The following NRXN3 variants were observed in gnomAD, a reference collection of about 807,000 sequenced individuals.
NRXN3 encodes the protein neurexin 3.
In NRXN3, 32 loss-of-function variants were observed where a neutral mutation model predicts 137.6. That is an observed-to-expected ratio of 0.23 (90% CI 0.18 to 0.31). The LOEUF (loss-of-function observed/expected upper bound fraction) is 0.31. Ranked by LOEUF, NRXN3 falls within the 10% of genes least tolerant of loss-of-function variation. The probability of loss-of-function intolerance (pLI) is 1.00; values close to 1 mark genes in which losing one functional copy is unlikely to be tolerated. For synonymous variants in NRXN3, 798 were observed against 784.5 expected (o/e 1.02, Z -0.29); for missense variants, 1,574 against 2,062.5 (o/e 0.76, Z 4.59).
intron 15 of NRXN3, among the ~76,000 whole-genome samples, chr14:79,050,690 A>G (rs1304664540): frequency 6.6e-6 from 1 of 152,172 alleles, no homozygotes; most frequent in African/African-American, 2.4e-5. Flanking sequence ...TTGAAATCCA[A>G]ATCAATGCAG....
chr14:78,716,720 G>A (rs1355357763), intron 8 of NRXN3, among the ~76,000 whole-genome samples: 3 of 152,176 alleles, frequency 2.0e-5, no homozygotes, highest in African/African-American at 4.8e-5. Flanking sequence ...GGGGCCAACT[G>A]TGTTACTAGC....
chr14:78,232,753 G>T (rs1192244160), intron 1 of NRXN3, among the ~76,000 whole-genome samples: 1 of 152,106 alleles, frequency 6.6e-6, no homozygotes, highest in Non-Finnish European at 1.5e-5. Flanking sequence ...GGAGGATCTT[G>T]AAGGGTGATT....
At chr14:79,114,717 G>T (rs969229249) in intron 15 of NRXN3, among the ~76,000 whole-genome samples, 2 of 152,102 alleles carry the variant, frequency 1.3e-5, no homozygotes, top group African/African-American at 4.8e-5. Flanking sequence ...TTGGAGAGAT[G>T]AGGACTTGCT....
intron 15 of NRXN3, among the ~76,000 whole-genome samples, chr14:79,323,554 T>C (rs1445261465): frequency 6.6e-6 from 1 of 152,222 alleles, no homozygotes; most frequent in Non-Finnish European, 1.5e-5. Context: ...GAAGGTTACA[T>C]TGTTTTTAAT....
At chr14:79,423,660 G>A (rs2095614022) in intron 15 of NRXN3, among the ~76,000 whole-genome samples, 1 of 152,130 alleles carries the variant, frequency 6.6e-6, no homozygotes, top group South Asian at 2.1e-4. Context: ...GGGTGAAAGC[G>A]TCGGTTGCTC....
At chr14:79,847,163 ATC>A (rs979775676) in intron 20 of NRXN3, among the ~76,000 whole-genome samples, 5 of 152,336 alleles carry the variant, frequency 3.3e-5, no homozygotes, top group African/African-American at 9.6e-5. Flanking sequence ...TCTTTGGAGT[ATC>A]TGACTCAGCA....
intron 4 of NRXN3, among the ~76,000 whole-genome samples, chr14:78,573,412 T>C (rs1390986692): frequency 6.6e-6 from 1 of 152,230 alleles, no homozygotes; most frequent in Non-Finnish European, 1.5e-5. Flanking sequence ...CCTAGAGTCT[T>C]GTTGAATGGC....
chr14:79,377,502 C>T (rs948105376), intron 15 of NRXN3, among the ~76,000 whole-genome samples: 1 of 152,072 alleles, frequency 6.6e-6, no homozygotes, highest in South Asian at 2.1e-4. Context: ...GCCTGTAATC[C>T]TAGCACTTTG....
intron 20 of NRXN3, among the ~76,000 whole-genome samples, chr14:79,825,898 A>G (rs989175276): frequency 6.6e-6 from 1 of 152,196 alleles, no homozygotes; most frequent in African/African-American, 2.4e-5. Context: ...AGCACATGTC[A>G]CACTGAAAAC....
At chr14:79,421,597 C>T (rs1314327321) in intron 15 of NRXN3, among the ~76,000 whole-genome samples, 1 of 152,136 alleles carries the variant, frequency 6.6e-6, no homozygotes, top group Non-Finnish European at 1.5e-5. Context: ...CTATTTCTGT[C>T]AGCTACAGAA....
At chr14:79,621,261 A>G (rs1229501461) in intron 16 of NRXN3, among the ~76,000 whole-genome samples, 2 of 152,208 alleles carry the variant, frequency 1.3e-5, no homozygotes, top group Non-Finnish European at 2.9e-5. Context: ...TCAGCACCCA[A>G]CTATGCCGGG....
chr14:79,340,969 A>G (rs1347624090), intron 15 of NRXN3, among the ~76,000 whole-genome samples: 1 of 152,222 alleles, frequency 6.6e-6, no homozygotes, highest in Non-Finnish European at 1.5e-5. Context: ...AAAATGAGGT[A>G]TAATGGCTGC....
chr14:78,813,367 G>A (rs1158049047), intron 10 of NRXN3, among the ~76,000 whole-genome samples: 2 of 152,084 alleles, frequency 1.3e-5, no homozygotes, highest in Non-Finnish European at 2.9e-5. Flanking sequence ...TAATAGGTGT[G>A]CCGGTCCTTA....
chr14:78,810,729 A>G (rs930294096), intron 10 of NRXN3, among the ~76,000 whole-genome samples: 3 of 152,352 alleles, frequency 2.0e-5, no homozygotes, highest in Admixed American at 1.3e-4. Context: ...ACTACCAAAC[A>G]GTTTAGAAAA....
intron 19 of NRXN3, among the ~76,000 whole-genome samples, chr14:79,794,023 G>C (rs1246402544): frequency 6.6e-6 from 1 of 152,148 alleles, no homozygotes; most frequent in African/African-American, 2.4e-5. Context: ...GCATCAGGTA[G>C]AACCAAAAAC....
intron 16 of NRXN3, among the ~76,000 whole-genome samples, chr14:79,474,006 TC>T (rs1465690197): frequency 6.6e-6 from 1 of 152,162 alleles, no homozygotes; most frequent in Admixed American, 6.6e-5. Flanking sequence ...TCTCTATTAT[TC>T]CCATGATATT....
chr14:79,281,162 C>T (rs1000236637), intron 15 of NRXN3, among the ~76,000 whole-genome samples: 2 of 152,260 alleles, frequency 1.3e-5, no homozygotes, highest in Admixed American at 1.3e-4. Flanking sequence ...ATCTCTAAAA[C>T]TACACATCTA....
intron 4 of NRXN3, among the ~76,000 whole-genome samples, chr14:78,405,853 T>TC (rs749535507): frequency 1.1e-4 from 17 of 151,962 alleles, no homozygotes; most frequent in Non-Finnish European, 2.1e-4. Context: ...AACCCAGGAG[T>TC]CCCTGTTCCC....
At chr14:79,316,971 C>G (rs1355072310) in intron 15 of NRXN3, among the ~76,000 whole-genome samples, 1 of 152,122 alleles carries the variant, frequency 6.6e-6, no homozygotes, top group African/African-American at 2.4e-5. Context: ...TGGCTCACAC[C>G]TGTAATCCCA....
Sources: gnomAD v4.1 joint callset for allele counts (sites outside exome capture counted in the v4.1 genomes callset) on GRCh38, gnomAD v4.1.1 for gene constraint, MANE v1.5 for transcripts, NCBI Gene and HGNC (gene_info 2026-07-23, HGNC 2026-07-21) for gene names.